ZNF343: variants seen among roughly 807,000 people sequenced by gnomAD.
The protein encoded by ZNF343 is zinc finger protein 343.
Under a neutral mutation model 13.8 loss-of-function variants are expected in ZNF343, and 11 were observed. The ratio of observed to expected loss-of-function variants is 0.80; its 90% CI spans 0.50 to 1.32. The LOEUF (loss-of-function observed/expected upper bound fraction) is 1.32, where lower values mean the gene tolerates loss of function less well. ZNF343 is among the 40% of genes most tolerant of loss of function. The pLI is 0.00. For missense variants in ZNF343, 658 were observed against 714.2 expected (o/e 0.92, Z 0.90); for synonymous variants, 248 against 260.0 (o/e 0.95, Z 0.44).
At chr20:2,490,612 A>G (rs2085353088) in intron 5 of ZNF343, among the ~76,000 whole-genome samples, 1 of 148,352 alleles carries the variant, frequency 6.7e-6, no homozygotes, top group Non-Finnish European at 1.5e-5. Context: ...ATCTCAGCTC[A>G]CTGCAACCTC....
chr20:2,521,893 C>G (rs1203513036), intron 1 of ZNF343, among the ~76,000 whole-genome samples: 1 of 152,172 alleles, frequency 6.6e-6, no homozygotes, highest in Non-Finnish European at 1.5e-5. Context: ...GAGGGGCTCC[C>G]CCTAGCGAGT....
intron 2 of ZNF343, among the ~76,000 whole-genome samples, chr20:2,496,862 C>T (rs1298666237): frequency 1.3e-5 from 2 of 152,188 alleles, no homozygotes; most frequent in East Asian, 3.9e-4. Context: ...GGGCAGATCA[C>T]CTGAGGTCGG....
chr20:2,517,700 T>C (rs1307267769), intron 1 of ZNF343, among the ~76,000 whole-genome samples: 2 of 149,816 alleles, frequency 1.3e-5, no homozygotes, highest in Non-Finnish European at 3.0e-5. Flanking sequence ...AGAGATGGGG[T>C]CCCCCTCTGT....
chr20:2,485,219 A>G (rs2085263569), intron 5 of ZNF343, among the ~76,000 whole-genome samples: 1 of 152,208 alleles, frequency 6.6e-6, no homozygotes, highest in Non-Finnish European at 1.5e-5. Flanking sequence ...TTCTCTACTA[A>G]GTATTATGAA....
chr20:2,492,676 GA>G, intron 5 of ZNF343, 22 bp downstream of exon 5: 1 of 1,601,978 alleles, frequency 6.2e-7, no homozygotes, highest in South Asian at 1.1e-5. Context: ...ATTAATGAAG[GA>G]AAGGAAAGAA....
At chr20:2,493,599 A>G (rs1233153538) in intron 3 of ZNF343, 22 bp from the exon 4 acceptor site, 1 of 1,578,136 alleles carries the variant, frequency 6.3e-7, no homozygotes, top group Non-Finnish European at 8.7e-7. Context: ...AAAAGAAGCT[A>G]TGAGAAACCA....
In ZNF343 at chr20:2,492,404, A is replaced by G. The variant is rs147421588; in HGVS notation, c.304+295T>C. ...ACTGATTTCAAATACCCAGTTTTAA[A>G]CTTCAGCCAGCCACCCTATCACACC... On this transcript the variant is annotated intron_variant, in intron 5 of 5. Transcript: ENST00000278772. Among the ~76,000 whole-genome samples, 58 of 152,232 alleles carry G rather than the reference A, an allele frequency of 3.8e-4. No individual in the cohort carries two copies. In the East Asian group the frequency reaches 0.011, roughly 29 times the overall value.
At chr20:2,503,677 A>G (rs1231719043) in intron 1 of ZNF343, among the ~76,000 whole-genome samples, 1 of 152,226 alleles carries the variant, frequency 6.6e-6, no homozygotes, top group Non-Finnish European at 1.5e-5. Context: ...GCTCAACTAC[A>G]TGGAAACTGA....
intron 1 of ZNF343, among the ~76,000 whole-genome samples, chr20:2,519,044 C>A (rs920984878): frequency 2.0e-5 from 3 of 152,198 alleles, no homozygotes; most frequent in African/African-American, 7.2e-5. Context: ...GAGGCCTACC[C>A]AGCCATGTGC....
At chr20:2,516,933 T>G (rs2085761952) in intron 1 of ZNF343, among the ~76,000 whole-genome samples, 1 of 152,194 alleles carries the variant, frequency 6.6e-6, no homozygotes, top group Non-Finnish European at 1.5e-5. Flanking sequence ...TCATGATTAG[T>G]GTCACTGTCA....
chr20:2,499,248 G>A (rs927660041), intron 2 of ZNF343, among the ~76,000 whole-genome samples: 15 of 145,966 alleles, frequency 1.0e-4, no homozygotes, highest in African/African-American at 1.8e-4. Flanking sequence ...GGCGGATCAC[G>A]AGGTCAGGAG....
chr20:2,503,525 C>T (rs1442587239), intron 1 of ZNF343, among the ~76,000 whole-genome samples: 2 of 152,120 alleles, frequency 1.3e-5, no homozygotes, highest in Admixed American at 6.5e-5. Flanking sequence ...AGCACCACAC[C>T]GCACTTATTC....
rs144390581 is a variant in ZNF343, at chr20:2,483,268, G to A, written c.1693C>T (p.Leu565Phe). 5 of 1,589,490 alleles carry A rather than the reference G, an allele frequency of 3.1e-6. No individual in the cohort carries two copies. The highest frequency in any genetic ancestry group is 1.7e-4 in the Middle Eastern group (1 of 6,014). ...GRGFSRKSLL[L>F]VHQRTHSGEK... ...CCTGAGTGTGTCCTCTGGTGGACAA[G>A]GAGGAGTGATTTCCGGCTAAAGCCT... The change falls in exon 6 of 6, where the codon CTT (leucine) becomes TTT (phenylalanine). Residue 565 changes from leucine to phenylalanine, a missense_variant. By Grantham distance (22) the Leu-to-Phe change is conservative. Coordinates refer to ENST00000278772, the MANE Select transcript of ZNF343 (RefSeq NM_024325.6).
chr20:2,499,973 T>A (rs1412578873), intron 2 of ZNF343, among the ~76,000 whole-genome samples: 1 of 152,190 alleles, frequency 6.6e-6, no homozygotes, highest in Non-Finnish European at 1.5e-5. Flanking sequence ...ACTGTCGATT[T>A]TGTTGAATGT....
chr20:2,484,097 A>T lies in ZNF343; in HGVS notation c.864T>A (p.His288Gln), dbSNP rs779045978. 5.0e-6 allele frequency: 8 copies of T among 1,614,046 alleles called. No homozygotes were observed. The highest frequency in any genetic ancestry group is 5.9e-6 in the Non-Finnish European group (7 of 1,180,000). The part of the protein sequence containing the change: ...FKDRSTLIRH[H>Q]RIHSMEKPYV... The stretch of plus-strand genomic sequence containing the variant: ...AAGGCTTCTCCATCGAGTGTATACG[A>T]TGGTGTCTGATGAGGGTTGATCTAT... Residue 288 changes from histidine (H) to glutamine (Q), a missense_variant, in exon 6 of 6, where the codon CAT becomes CAA. By Grantham distance (24) the His-to-Gln change is conservative (BLOSUM62 0). Transcript: ENST00000278772.
intron 1 of ZNF343, among the ~76,000 whole-genome samples, chr20:2,502,909 G>T (rs57527598): frequency 6.6e-6 from 1 of 152,058 alleles, no homozygotes; most frequent in South Asian, 2.1e-4. Context: ...ATCAACTAAC[G>T]AGCAAAATAA....
chr20:2,485,433 G>A (rs1332157859), intron 5 of ZNF343, among the ~76,000 whole-genome samples: 4 of 152,220 alleles, frequency 2.6e-5, no homozygotes, highest in Non-Finnish European at 5.9e-5. Context: ...GCTGAGAAAT[G>A]ACCACGTACT....
At chr20:2,494,571 C>G (rs181802438) in intron 2 of ZNF343, among the ~76,000 whole-genome samples, 1 of 152,000 alleles carries the variant, frequency 6.6e-6, no homozygotes, top group Non-Finnish European at 1.5e-5. Context: ...GAGCTCAAGA[C>G]CAGTCTGGGC....
In ZNF343 at chr20:2,493,515, T is replaced by C. The variant is rs753356121; in HGVS notation, c.177+4A>G. The C allele has an allele frequency of 1.2e-6, 2 of 1,611,940 alleles. No individual in the cohort carries two copies. Among genetic ancestry groups the C allele is most frequent in the South Asian group, 1.1e-5 (1 of 91,030 alleles). On this transcript the variant is annotated splice_donor_region_variant and intron_variant, in intron 4 of 5. Transcript: ENST00000278772. ...GAAAAAAAAAAAATGTAACCCCAAC[T>C]CACCACTATTTGGGCCTTTCCCTCC...
Sources: allele counts gnomAD v4.1 joint callset (sites outside exome capture counted in the v4.1 genomes callset), GRCh38; gene constraint gnomAD v4.1.1; transcripts MANE v1.5; gene names NCBI Gene and HGNC (gene_info 2026-07-23, HGNC 2026-07-21).